Variants in UST observed in about 807,000 individuals in gnomAD.
The protein encoded by UST is uronyl 2-sulfotransferase, also known as chondroitin sulfate 2-O-sulfotransferase.
In UST, 21 loss-of-function variants were observed where a neutral mutation model predicts 45.6. That is an observed-to-expected ratio of 0.46 (90% CI 0.33 to 0.66). The LOEUF (loss-of-function observed/expected upper bound fraction) is 0.66. Ranked by LOEUF, UST falls within the 30% of genes least tolerant of loss-of-function variation. The pLI, the probability that UST is intolerant of heterozygous loss-of-function variation, is 0.02. For missense variants in UST, 463 were observed against 512.4 expected (o/e 0.90, Z 0.93); for synonymous variants, 215 against 200.6 (o/e 1.07, Z -0.61).
At chr6:149,046,785 C>G (rs550335648) in intron 7 of UST, among the ~76,000 whole-genome samples, 20 of 152,338 alleles carry the variant, frequency 1.3e-4, no homozygotes, top group African/African-American at 4.6e-4. Flanking sequence ...TCAACTTAGT[C>G]AAGTTTTTGA....
intron 7 of UST, among the ~76,000 whole-genome samples, chr6:149,029,841 A>G (rs1776112726): frequency 6.6e-6 from 1 of 150,608 alleles, no homozygotes; most frequent in Non-Finnish European, 1.5e-5. Context: ...CCAGGCTCAG[A>G]TCCTAATAAT....
intron 1 of UST, among the ~76,000 whole-genome samples, chr6:148,774,330 G>T (rs2114678451): frequency 1.3e-5 from 2 of 150,412 alleles, no homozygotes; most frequent in Middle Eastern, 7.1e-3. Context: ...TGAAATCAGT[G>T]AAATTTACTT....
intron 2 of UST, among the ~76,000 whole-genome samples, chr6:148,924,801 C>G (rs939426758): frequency 1.3e-5 from 2 of 152,152 alleles, no homozygotes; most frequent in African/African-American, 4.8e-5. Context: ...AAAGACACAG[C>G]TTTCTCTCAG....
At chr6:148,805,912 A>T (rs1227494742) in intron 1 of UST, among the ~76,000 whole-genome samples, 1 of 152,228 alleles carries the variant, frequency 6.6e-6, no homozygotes, top group Admixed American at 6.5e-5. Context: ...TAACTGCAGA[A>T]TTCTACCTTA....
intron 1 of UST, among the ~76,000 whole-genome samples, chr6:148,886,206 C>G (rs931866238): frequency 1.3e-5 from 2 of 152,202 alleles, no homozygotes; most frequent in African/African-American, 4.8e-5. Flanking sequence ...TGCAGTTTAC[C>G]AGCTGTGTGA....
At chr6:148,811,473 G>A (rs1328770366) in intron 1 of UST, among the ~76,000 whole-genome samples, 1 of 152,214 alleles carries the variant, frequency 6.6e-6, no homozygotes, top group East Asian at 1.9e-4. Context: ...CGGAATGGGT[G>A]AGAATTGGCG....
At chr6:148,948,637 C>A (rs1260981273) in intron 3 of UST, among the ~76,000 whole-genome samples, 1 of 152,094 alleles carries the variant, frequency 6.6e-6, no homozygotes, top group Non-Finnish European at 1.5e-5. Flanking sequence ...AAAGTATTAT[C>A]TCTGGCATTT....
chr6:148,962,752 A>T (rs1273574571), intron 4 of UST, among the ~76,000 whole-genome samples: 1 of 152,200 alleles, frequency 6.6e-6, no homozygotes, highest in Admixed American at 6.5e-5. Context: ...GGTGTCATTC[A>T]TATGTCCTGG....
At chr6:148,957,608 A>G (rs1465569721) in intron 4 of UST, among the ~76,000 whole-genome samples, 4 of 152,034 alleles carry the variant, frequency 2.6e-5, no homozygotes, top group Non-Finnish European at 5.9e-5. Flanking sequence ...TAATTTTTCT[A>G]TTTTTAGTGG....
At chr6:148,928,643 A>G (rs1779864889) in intron 2 of UST, among the ~76,000 whole-genome samples, 1 of 152,238 alleles carries the variant, frequency 6.6e-6, no homozygotes, top group Non-Finnish European at 1.5e-5. Flanking sequence ...GCATTCCATG[A>G]TCAGATCTAT....
Position 148,913,423 on chromosome 6 carries a change from CTTTTTTTTTTT to C in UST, c.291+26409_291+26419del, listed in dbSNP as rs34110477. The stretch of plus-strand genomic sequence containing the variant: ...ACAGTCCGTATTTGGGACCAAAAAT[CTTTTTTTTTTT>C]TTTTTTTTTTTTTTGAGGATTGGAA... On this transcript the variant is annotated intron_variant, in intron 2 of 7. Transcript: ENST00000367463. Among the ~76,000 whole-genome samples the C allele has an allele frequency of 6.6e-3, 527 of 79,894 alleles. 14 individuals carry two copies. The highest frequency in any genetic ancestry group is 0.025 in the African/African-American group (508 of 19,982). The allele number at this position is 79,894 out of a possible 152,430, so 52.4% of individuals were successfully genotyped here.
At chr6:148,956,787 G>A (rs1018112121) in intron 4 of UST, among the ~76,000 whole-genome samples, 2 of 152,140 alleles carry the variant, frequency 1.3e-5, no homozygotes, top group African/African-American at 2.4e-5. Flanking sequence ...CACTACATGA[G>A]AACTGGGACT....
intron 2 of UST, among the ~76,000 whole-genome samples, chr6:148,929,873 GT>G (rs2114908775): frequency 6.6e-6 from 1 of 152,224 alleles, no homozygotes; most frequent in African/African-American, 2.4e-5. Flanking sequence ...TGTATGGTGT[GT>G]TTTCCTTGCA....
intron 7 of UST, among the ~76,000 whole-genome samples, chr6:149,051,667 T>TC (rs1329294860): frequency 6.6e-6 from 1 of 152,240 alleles, no homozygotes; most frequent in Non-Finnish European, 1.5e-5. Flanking sequence ...GGCTATGGTT[T>TC]CCCCTTTGTA....
At chr6:148,747,816 G>A (rs1183528409) in intron 1 of UST, 139 bp downstream of exon 1, 2 of 1,154,190 alleles carry the variant, frequency 1.7e-6, no homozygotes, top group Non-Finnish European at 1.1e-6. Flanking sequence ...AAGCCCGTGA[G>A]CATCTGTGCC....
chr6:148,816,784 A>T (rs574380672), intron 1 of UST, among the ~76,000 whole-genome samples: 29 of 152,190 alleles, frequency 1.9e-4, no homozygotes, highest in Middle Eastern at 3.4e-3. Flanking sequence ...TGTATTTAAA[A>T]TTTTTTTTCA....
At position 148,934,282 on chromosome 6, in the gene UST, G is replaced by A. The variant is rs138258998; in HGVS notation, c.292-6997G>A. Among the ~76,000 whole-genome samples, 941 of 152,256 alleles carry A rather than the reference G, an allele frequency of 6.2e-3. 9 individuals are homozygous for A. The highest frequency in any genetic ancestry group is 0.024 in the Middle Eastern group (7 of 294). ...GGAACAGAATTGTCCCTGAATTCAG[G>A]CCTTGCACAGCCCTGGCTGTGACTC... is the stretch of plus-strand genomic sequence containing the variant. On this transcript the variant is annotated intron_variant, in intron 2 of 7. Transcript: ENST00000367463. This position sits in a 1 kb window ranked among gnomAD's most constrained non-coding sequence, Gnocchi z 4.1.
At position 148,758,234 on chromosome 6, in the gene UST, G is replaced by C. The variant is rs764312836; in HGVS notation, c.247+10557G>C. Among the ~76,000 whole-genome samples the C allele has an allele frequency of 2.0e-5, 3 of 152,126 alleles. 1 individual carries two copies. Among genetic ancestry groups the C allele is most frequent in the South Asian group, 4.1e-4 (2 of 4,828 alleles). ...ATTACTTCACTAGTATTTGGCAAGG[G>C]CTCTTCAACACCTGACAAGTTCCGG... is the stretch of plus-strand genomic sequence containing the variant. On this transcript the variant is annotated intron_variant, in intron 1 of 7. Transcript: ENST00000367463.
chr6:148,991,774 A>G (rs760084800), intron 5 of UST, among the ~76,000 whole-genome samples: 4 of 152,132 alleles, frequency 2.6e-5, no homozygotes, highest in Non-Finnish European at 5.9e-5. Context: ...AAATAATTCA[A>G]TGGATTAGGT....
Sources: gnomAD v4.1 joint callset for allele counts (sites outside exome capture counted in the v4.1 genomes callset) on GRCh38, gnomAD v4.1.1 for gene constraint, Gnocchi (gnomAD v3.1) non-coding constraint, MANE v1.5 for transcripts, NCBI Gene and HGNC (gene_info 2026-07-23, HGNC 2026-07-21) for gene names.